Variants in CPVL observed in about 807,000 individuals in gnomAD.
CPVL encodes probable serine carboxypeptidase CPVL.
In CPVL, 51 loss-of-function variants were observed where a neutral mutation model predicts 63.7. The observed-to-expected ratio is 0.80, with a 90% confidence interval of 0.64 to 1.01. The LOEUF is 1.01. Ranked by LOEUF, CPVL falls within the 50% of genes least tolerant of loss-of-function variation. The pLI, the probability that CPVL is intolerant of heterozygous loss-of-function variation, is 0.00. For synonymous variants in CPVL, 195 were observed against 206.0 expected (o/e 0.95, Z 0.46); for missense variants, 530 against 573.1 (o/e 0.92, Z 0.77).
chr7:29,104,780 G>T lies in CPVL; in HGVS notation c.288+7924C>A, dbSNP rs1787557090. Among the ~76,000 whole-genome samples the T allele has an allele frequency of 2.0e-5, 3 of 152,314 alleles. No individual in the cohort carries two copies. In the South Asian group the frequency reaches 6.2e-4, roughly 32 times the overall value. ...AAAGTTATACTTTATAAGGAATAGG[G>T]AAGTGGGCGGATGCAGGGAGGTGTG... On this transcript the variant is annotated intron_variant, in intron 3 of 12. Coordinates refer to ENST00000265394, the MANE Select transcript of CPVL (RefSeq NM_031311.5).
At chr7:29,101,728 T>C (rs898005218) in intron 3 of CPVL, among the ~76,000 whole-genome samples, 5 of 152,184 alleles carry the variant, frequency 3.3e-5, no homozygotes, top group Non-Finnish European at 7.3e-5. Flanking sequence ...CAAATTCTAC[T>C]TCCTAGAGAT....
Position 29,183,846 on chromosome 7 carries a change from C to A in CPVL, c.-134+575G>T, listed in dbSNP as rs139948037. On this transcript the variant is annotated intron_variant, in intron 4 of 16. Transcript: ENST00000409850. ...TATATTTGTAGATTCCACACCCATG[C>A]ATTCAACCAACCAAAAATGTTAGAA... Among the ~76,000 whole-genome samples, 280 of 152,232 alleles carry A rather than the reference C, an allele frequency of 1.8e-3. 1 individual carries two copies. Among genetic ancestry groups the A allele is most frequent in the African/African-American group, 6.5e-3 (269 of 41,526 alleles).
chr7:29,153,706 AT>A (rs1306954697), intron 5 of CPVL, among the ~76,000 whole-genome samples: 1 of 151,984 alleles, frequency 6.6e-6, no homozygotes, highest in Non-Finnish European at 1.5e-5. Context: ...AGTGGCTGGG[AT>A]TACAGGTGTG....
intron 9 of CPVL, 43 bp downstream of exon 9, chr7:29,071,730 G>T (rs1783760163): frequency 8.6e-6 from 6 of 699,432 alleles, no homozygotes; most frequent in African/African-American, 2.0e-5. Context: ...CTCCCCAGAT[G>T]GTTTTAATTG....
intron 9 of CPVL, among the ~76,000 whole-genome samples, chr7:29,069,801 T>TGC (rs1783554056): frequency 7.6e-6 from 1 of 130,826 alleles, no homozygotes; most frequent in African/African-American, 2.6e-5. Flanking sequence ...TGTGTGTGTG[T>TGC]GTGTGTGTGT....
chr7:29,039,543 A>G (rs1788863505), intron 11 of CPVL, among the ~76,000 whole-genome samples: 1 of 152,178 alleles, frequency 6.6e-6, no homozygotes, highest in Admixed American at 6.5e-5. Context: ...AGAGACAGAA[A>G]TGTATATAAG....
intron 12 of CPVL, among the ~76,000 whole-genome samples, chr7:29,023,233 TAAAGG>T (rs1232637364): frequency 6.6e-6 from 1 of 152,306 alleles, no homozygotes; most frequent in Admixed American, 6.5e-5. Flanking sequence ...GGGTAATTTA[TAAAGG>T]AAAGAGGTTT....
chr7:29,169,291 C>CA (rs1386278284), intron 5 of CPVL, among the ~76,000 whole-genome samples: 1 of 152,116 alleles, frequency 6.6e-6, no homozygotes, highest in Non-Finnish European at 1.5e-5. Context: ...TTCTATTATT[C>CA]AATCCCTTAA....
intron 5 of CPVL, among the ~76,000 whole-genome samples, chr7:29,153,905 C>G (rs183839291): frequency 1.3e-5 from 2 of 152,144 alleles, no homozygotes; most frequent in East Asian, 3.9e-4. Flanking sequence ...TTTCTTTTCT[C>G]TAGCTTACTT....
At chr7:29,055,064 T>C (rs1469706845) in intron 11 of CPVL, among the ~76,000 whole-genome samples, 1 of 152,220 alleles carries the variant, frequency 6.6e-6, no homozygotes, top group East Asian at 1.9e-4. Context: ...ATCTCTCATA[T>C]GTCCTATATC....
At chr7:29,095,288 G>C in intron 4 of CPVL, 146 bp from the exon 5 acceptor site, 1 of 657,712 alleles carries the variant, frequency 1.5e-6, no homozygotes, top group Non-Finnish European at 2.8e-6. Flanking sequence ...TCATGGTGGG[G>C]AACAGGCACC....
At chr7:29,072,737 A>G (rs1344958911) in intron 7 of CPVL, among the ~76,000 whole-genome samples, 1 of 152,224 alleles carries the variant, frequency 6.6e-6, no homozygotes. Context: ...GCCATGTGTT[A>G]GGCATCTCTT....
At chr7:28,998,536 TAGTTGTG>T (rs1166705407) in intron 12 of CPVL, among the ~76,000 whole-genome samples, 7 of 152,076 alleles carry the variant, frequency 4.6e-5, no homozygotes, top group African/African-American at 1.4e-4. Flanking sequence ...CCTCGTGGGG[TAGTTGTG>T]AGTTGTGTGA....
At chr7:29,146,904 A>T, upstream of CPVL, 1 of 1,551,170 alleles carries the variant, frequency 6.4e-7, no homozygotes, top group Non-Finnish European at 8.7e-7. Context: ...TTTGATTCCC[A>T]CTGTTTAAAA....
At chr7:29,007,256 TACTA>T (rs1470450391) in intron 12 of CPVL, among the ~76,000 whole-genome samples, 2 of 152,198 alleles carry the variant, frequency 1.3e-5, no homozygotes, top group South Asian at 2.1e-4. Flanking sequence ...GCTCCCAGAG[TACTA>T]ACTAAGTGCA....
At chr7:29,048,121 A>C (rs1193881305) in intron 11 of CPVL, among the ~76,000 whole-genome samples, 1 of 152,180 alleles carries the variant, frequency 6.6e-6, no homozygotes, top group African/African-American at 2.4e-5. Flanking sequence ...GACCTATAAA[A>C]CAAAAATACA....
intron 4 of CPVL, among the ~76,000 whole-genome samples, chr7:29,182,372 A>C (rs1468588408): frequency 1.3e-5 from 2 of 151,348 alleles, no homozygotes; most frequent in African/African-American, 4.8e-5. Context: ...AGTAAAAAGC[A>C]AAAGCTCCTC....
At chr7:29,111,699 T>C (rs957509766) in intron 3 of CPVL, among the ~76,000 whole-genome samples, 3 of 152,122 alleles carry the variant, frequency 2.0e-5, no homozygotes, top group Non-Finnish European at 4.4e-5. Flanking sequence ...GCCATGTAGT[T>C]GAGAGAGCAG....
chr7:29,114,201 T>C (rs1788538980), intron 2 of CPVL, among the ~76,000 whole-genome samples: 1 of 152,156 alleles, frequency 6.6e-6, no homozygotes, highest in Non-Finnish European at 1.5e-5. Flanking sequence ...GTTGCTAAAC[T>C]TTTACCAGCA....
Sources: gnomAD v4.1 joint callset for allele counts (sites outside exome capture counted in the v4.1 genomes callset) on GRCh38, gnomAD v4.1.1 for gene constraint, MANE v1.5 for transcripts, NCBI Gene and HGNC (gene_info 2026-07-23, HGNC 2026-07-21) for gene names.